Variants in C10orf88 observed in about 807,000 individuals in gnomAD.
The protein encoded by C10orf88 is ATPase PAAT.
In C10orf88, 29 loss-of-function variants were observed where a neutral mutation model predicts 34.2. The observed-to-expected ratio is 0.85, with a 90% CI of 0.63 to 1.16. C10orf88 has a LOEUF of 1.16. Ranked by LOEUF, C10orf88 falls within the 50% of genes most tolerant of loss-of-function variation. The pLI is 0.00. For synonymous variants in C10orf88, 194 were observed against 197.4 expected (o/e 0.98, Z 0.15); for missense variants, 507 against 533.2 (o/e 0.95, Z 0.48).
At chr10:122,941,732 T>A (rs1416413323) in intron 4 of C10orf88, among the ~76,000 whole-genome samples, 1 of 152,142 alleles carries the variant, frequency 6.6e-6, no homozygotes, top group Non-Finnish European at 1.5e-5. Context: ...TCCATTAGCA[T>A]GTTTAAAAGG....
intron 5 of C10orf88, among the ~76,000 whole-genome samples, chr10:122,934,170 T>C (rs1848512035): frequency 6.6e-6 from 1 of 152,194 alleles, no homozygotes; most frequent in Admixed American, 6.5e-5. Flanking sequence ...TATCTACCTA[T>C]AATCCAATAT....
At chr10:122,943,484 A>G (rs1408288058) in intron 4 of C10orf88, among the ~76,000 whole-genome samples, 4 of 150,732 alleles carry the variant, frequency 2.7e-5, no homozygotes, top group Non-Finnish European at 4.5e-5. Flanking sequence ...CATGTCTAAA[A>G]CACCAAAAGC....
rs547702237 is a variant in C10orf88, at chr10:122,953,262, A to G, written c.165-230T>C. Among the ~76,000 whole-genome samples, 8 of 152,190 alleles carry G rather than the reference A, an allele frequency of 5.3e-5. No individual in the cohort carries two copies. The South Asian group carries it at 1.7e-3, about 32-fold the overall frequency. On this transcript the variant is annotated intron_variant, in intron 1 of 5. Coordinates refer to ENST00000481909, the MANE Select transcript of C10orf88 (RefSeq NM_024942.4). ...CCGGCTAATTTTTTGTATTTTTCGT[A>G]GAGACGGGGTTTCGCCGTGTTAGCC...
At chr10:122,940,435 G>A (rs1329624258) in intron 4 of C10orf88, among the ~76,000 whole-genome samples, 1 of 151,920 alleles carries the variant, frequency 6.6e-6, no homozygotes, top group Non-Finnish European at 1.5e-5. Context: ...CTATTCAATA[G>A]GTATAAAGTT....
At chr10:122,939,899 T>C (rs1364409642) in intron 4 of C10orf88, among the ~76,000 whole-genome samples, 2 of 151,992 alleles carry the variant, frequency 1.3e-5, no homozygotes, top group African/African-American at 2.4e-5. Flanking sequence ...TTCTGACATA[T>C]AATATTCTGT....
intron 3 of C10orf88, among the ~76,000 whole-genome samples, chr10:122,949,841 C>T (rs1848674389): frequency 1.3e-5 from 2 of 152,272 alleles, no homozygotes; most frequent in South Asian, 4.1e-4. Context: ...AAGTAAAATG[C>T]AATCCTTTCA....
At chr10:122,944,700 A>C (rs759989558) in intron 4 of C10orf88, among the ~76,000 whole-genome samples, 7 of 152,112 alleles carry the variant, frequency 4.6e-5, no homozygotes, top group Non-Finnish European at 1.0e-4. Context: ...TGTTCAATGG[A>C]GTGTACTTGA....
chr10:122,932,554 A>G lies in C10orf88; in HGVS notation c.1211T>C (p.Leu404Pro). 1 of 1,613,970 alleles carries G rather than the reference A, an allele frequency of 6.2e-7. No individual in the cohort carries two copies. Among genetic ancestry groups the G allele is most frequent in the Non-Finnish European group, 8.5e-7 (1 of 1,179,942 alleles). The change falls in exon 6 of 6, where the codon CTC becomes CCC. Residue 404 changes from leucine to proline, a missense_variant. By Grantham distance (98) the Leu-to-Pro change is moderately conservative (BLOSUM62 -3). Transcript: ENST00000481909. ...MDYIDQRIHE[L>P]QEHIDDKIAL... Reference sequence around the variant, plus strand: ...AATCTTATCATCAATGTGCTCCTGGAGTTCATGTATTCGCTGATCAATGTA... The same window carrying G: ...AATCTTATCATCAATGTGCTCCTGGGGTTCATGTATTCGCTGATCAATGTA...
Position 122,954,046 on chromosome 10 carries a change from A to G in C10orf88, c.133T>C (p.Trp45Arg). 1 of 1,536,378 alleles carries G rather than the reference A, an allele frequency of 6.5e-7. No individual in the cohort carries two copies. The highest frequency in any genetic ancestry group is 8.7e-7 in the Non-Finnish European group (1 of 1,144,386). Residue 45 changes from tryptophan to arginine, a missense_variant, in exon 1 of 6, where the codon TGG becomes CGG. By Grantham distance (101) the Trp-to-Arg change is moderately radical. Coordinates refer to ENST00000481909, the MANE Select transcript of C10orf88 (RefSeq NM_024942.4). ...RAGLGPGDFD[W>R]EELLAPPAPG... Reference sequence around the variant, plus strand: ...GCAGGCGGTGCCAGCAGCTCCTCCCAGTCGAAGTCACCGGGGCCGAGACCG... The same window carrying G: ...GCAGGCGGTGCCAGCAGCTCCTCCCGGTCGAAGTCACCGGGGCCGAGACCG...
At chr10:122,938,194 T>C in intron 4 of C10orf88, 35 bp from the exon 5 acceptor site, 1 of 1,498,356 alleles carries the variant, frequency 6.7e-7, no homozygotes, top group Non-Finnish European at 9.0e-7. Flanking sequence ...TTAATATTAA[T>C]AACACTGACA....
At chr10:122,944,648 G>A (rs1271821191) in intron 4 of C10orf88, among the ~76,000 whole-genome samples, 1 of 152,088 alleles carries the variant, frequency 6.6e-6, no homozygotes, top group Non-Finnish European at 1.5e-5. Flanking sequence ...TGAGGGCCAG[G>A]AATCTGCATT....
At chr10:122,953,906 A>G (rs1848720106) in intron 1 of C10orf88, 109 bp downstream of exon 1, 1 of 1,084,936 alleles carries the variant, frequency 9.2e-7, no homozygotes, top group Admixed American at 5.0e-5. Flanking sequence ...CCTGGTACCA[A>G]CTGCTCTCCC....
At chr10:122,950,617 C>G (rs1049253358) in intron 3 of C10orf88, among the ~76,000 whole-genome samples, 15 of 152,176 alleles carry the variant, frequency 9.9e-5, no homozygotes, top group Admixed American at 2.6e-4. Flanking sequence ...AACCCCATAG[C>G]CTTTTTCACC....
At chr10:122,952,360 C>T (rs61599977) in intron 2 of C10orf88, among the ~76,000 whole-genome samples, 14 of 151,998 alleles carry the variant, frequency 9.2e-5, no homozygotes, top group African/African-American at 3.1e-4. Context: ...GAAAAATCTT[C>T]GTAAGAAAAA....
At chr10:122,948,965 T>G in intron 3 of C10orf88, 110 bp from the exon 4 acceptor site, 1 of 978,008 alleles carries the variant, frequency 1.0e-6, no homozygotes, top group East Asian at 2.7e-5. Context: ...AATCTAAAAA[T>G]TAACTTCAAG....
intron 4 of C10orf88, among the ~76,000 whole-genome samples, chr10:122,944,545 T>C (rs1022504149): frequency 2.0e-5 from 3 of 151,946 alleles, no homozygotes; most frequent in Non-Finnish European, 2.9e-5. Context: ...AAAAAAGAGT[T>C]ATTATCAAAT....
At chr10:122,943,383 T>C (rs2133332713) in intron 4 of C10orf88, among the ~76,000 whole-genome samples, 1 of 151,038 alleles carries the variant, frequency 6.6e-6, no homozygotes, top group East Asian at 1.9e-4. Context: ...TCAAGATGGA[T>C]TAAAGACTTA....
chr10:122,953,687 CAGG>C (rs755533890), intron 1 of C10orf88, among the ~76,000 whole-genome samples: 4 of 152,228 alleles, frequency 2.6e-5, no homozygotes, highest in Non-Finnish European at 5.9e-5. Flanking sequence ...TTTTGGTGGA[CAGG>C]AGGTGTCTTG....
At position 122,932,508 on chromosome 10, in the gene C10orf88, C is replaced by T; in HGVS notation, c.1257G>A (p.Leu419=). The T allele has an allele frequency of 6.2e-7, 1 of 1,613,964 alleles. No homozygotes were observed. The highest frequency in any genetic ancestry group is 8.5e-7 in the Non-Finnish European group (1 of 1,179,946). ...CAGTGGGCGGGGAGTTAGGATTTTG[C>T]AGCAAATCCAGTAACAAAGCAATCT... is the stretch of plus-strand genomic sequence containing the variant. ...DDKIALLLDL[L]QNPNSPPTGI... Residue 419 remains leucine, a synonymous_variant, in exon 6 of 6, where the codon CTG becomes CTA. Coordinates refer to ENST00000481909, the MANE Select transcript of C10orf88 (RefSeq NM_024942.4).
Sources: gnomAD v4.1 joint callset for allele counts (sites outside exome capture counted in the v4.1 genomes callset) on GRCh38, gnomAD v4.1.1 for gene constraint, MANE v1.5 for transcripts, NCBI Gene and HGNC (gene_info 2026-07-23, HGNC 2026-07-21) for gene names.